The following MRC1 variants were observed in gnomAD, a reference collection of about 807,000 sequenced individuals.
MRC1 encodes the protein macrophage mannose receptor 1.
MRC1 carries 62 observed loss-of-function variants against 102.9 expected under a neutral mutation model. The observed-to-expected ratio is 0.60, with a 90% CI of 0.49 to 0.74. The LOEUF (loss-of-function observed/expected upper bound fraction) is 0.74. Ranked by LOEUF, MRC1 falls within the 30% of genes least tolerant of loss-of-function variation. The probability of loss-of-function intolerance (pLI) is 0.00; values close to 1 mark genes in which losing one functional copy is unlikely to be tolerated. For synonymous variants in MRC1, 457 were observed against 298.4 expected, an observed-to-expected ratio of 1.53 and a Z score of -5.48; for missense variants, 1,237 against 862.8, an observed-to-expected ratio of 1.43 and a Z score of -5.43.
At chr10:17,889,961 A>G (rs1833650883) in intron 22 of MRC1, among the ~76,000 whole-genome samples, 1 of 152,110 alleles carries the variant, frequency 6.6e-6, no homozygotes, top group African/African-American at 2.4e-5. Flanking sequence ...TGACATATAT[A>G]ATTTTCCTTC....
At chr10:17,891,198 A>G (rs1833669053) in intron 22 of MRC1, among the ~76,000 whole-genome samples, 1 of 149,708 alleles carries the variant, frequency 6.7e-6, no homozygotes, top group Non-Finnish European at 1.5e-5. Flanking sequence ...ATGGAGTCTC[A>G]CTCTGTTGCC....
chr10:17,875,500 G>C (rs2130683134), intron 17 of MRC1, among the ~76,000 whole-genome samples: 1 of 152,266 alleles, frequency 6.6e-6, no homozygotes, highest in South Asian at 2.1e-4. Flanking sequence ...CCACTTATGA[G>C]TGAGAACATG....
Position 17,856,106 on chromosome 10 carries a change from G to T in MRC1, c.1408-136G>T, listed in dbSNP as rs1263934260. On this transcript the variant is annotated intron_variant, in intron 8 of 29. Coordinates refer to ENST00000569591, the MANE Select transcript of MRC1 (RefSeq NM_002438.4). ...AATCACTTGAACCTGGGAGGCAGAG[G>T]TTGCCATGAGCCAAGATCGCGCCAC... 4.8e-5 allele frequency: 32 copies of T among 671,706 alleles called. No individual in the cohort carries two copies. In the East Asian group the frequency reaches 8.3e-4, roughly 17 times the overall value. The allele number at this position is 671,706 out of a possible 1,614,324, so 41.6% of individuals were successfully genotyped here.
At chr10:17,872,277 TG>T (rs1833364988) in intron 15 of MRC1, 151 bp downstream of exon 15, 1 of 741,188 alleles carries the variant, frequency 1.3e-6, no homozygotes, top group Non-Finnish European at 2.5e-6. Context: ...AGCATGAAGT[TG>T]ATAAGCACAG....
intron 29 of MRC1, among the ~76,000 whole-genome samples, chr10:17,909,853 T>G (rs1833945797): frequency 6.6e-6 from 1 of 152,114 alleles, no homozygotes; most frequent in Non-Finnish European, 1.5e-5. Context: ...CTTATTTTAT[T>G]TTTCTCTTCA....
chr10:17,830,884 C>CTA lies in MRC1; in HGVS notation c.638-2775_638-2774dup, dbSNP rs1252658364. Among the ~76,000 whole-genome samples, 257 of 147,782 alleles carry CTA rather than the reference C, an allele frequency of 1.7e-3. 10 individuals are homozygous for CTA. The highest frequency in any genetic ancestry group is 5.3e-3 in the African/African-American group (206 of 38,940). ...CCTTTTTTATGTCTCACATTTTCTA[C>CTA]TATATATATATATATATTTTTGGAG... On this transcript the variant is annotated intron_variant, in intron 3 of 29. Transcript: ENST00000569591.
intron 26 of MRC1, among the ~76,000 whole-genome samples, chr10:17,906,254 T>A (rs1833893263): frequency 6.6e-6 from 1 of 152,098 alleles, no homozygotes; most frequent in South Asian, 2.1e-4. Flanking sequence ...CACATTGCTC[T>A]TAATACCAAT....
At chr10:17,826,003 C>T (rs896439830) in intron 2 of MRC1, among the ~76,000 whole-genome samples, 4 of 151,998 alleles carry the variant, frequency 2.6e-5, no homozygotes, top group South Asian at 2.1e-4. Flanking sequence ...TAACAACTAC[C>T]TTTTTGACAA....
At chr10:17,874,490 G>A (rs1833398999) in intron 16 of MRC1, among the ~76,000 whole-genome samples, 2 of 152,068 alleles carry the variant, frequency 1.3e-5, no homozygotes, top group African/African-American at 4.8e-5. Flanking sequence ...ACTTAATCAT[G>A]TCTATAAAGT....
At chr10:17,814,678 T>A (rs886442046) in intron 1 of MRC1, among the ~76,000 whole-genome samples, 2 of 31,934 alleles carry the variant, frequency 6.3e-5, no homozygotes, top group African/African-American at 2.2e-4. Context: ...TCCGTCCCTC[T>A]TTTTTTTTTT....
intron 26 of MRC1, among the ~76,000 whole-genome samples, chr10:17,904,826 T>C (rs1306910814): frequency 1.3e-5 from 2 of 152,214 alleles, no homozygotes; most frequent in Admixed American, 6.5e-5. Context: ...TGCATATCTG[T>C]AGCCTTCTAC....
At chr10:17,893,425 G>C (rs1446424969) in intron 22 of MRC1, among the ~76,000 whole-genome samples, 2 of 152,106 alleles carry the variant, frequency 1.3e-5, no homozygotes, top group African/African-American at 2.4e-5. Context: ...TCAAAGTGCT[G>C]GGATTACAGG....
chr10:17,842,376 G>C (rs1838765261), intron 5 of MRC1, among the ~76,000 whole-genome samples: 2 of 152,224 alleles, frequency 1.3e-5, no homozygotes, highest in African/African-American at 4.8e-5. Context: ...ATATATTTTG[G>C]CTTAAATAAA....
intron 12 of MRC1, among the ~76,000 whole-genome samples, chr10:17,867,893 G>C (rs971585468): frequency 6.6e-6 from 1 of 152,134 alleles, no homozygotes; most frequent in Admixed American, 6.5e-5. Flanking sequence ...ATGTAACCCC[G>C]ATGATTATAA....
intron 21 of MRC1, among the ~76,000 whole-genome samples, chr10:17,883,751 A>G (rs1011210791): frequency 6.6e-6 from 1 of 152,178 alleles, no homozygotes; most frequent in Non-Finnish European, 1.5e-5. Flanking sequence ...TAGAGTAGGT[A>G]CTTGTTGGTC....
rs1833586501 is a variant in MRC1 at position 17,885,861 on chromosome 10, G to A, written c.3147+426G>A. 2.0e-5 allele frequency among the ~76,000 whole-genome samples: 3 copies of A among 147,042 alleles called. No homozygotes were observed. In the South Asian group the frequency reaches 6.4e-4, roughly 31 times the overall value. ...ATCATGATCATGATCATGATCATGA[G>A]CTAATATTTGTAGACTGCTTATTAT... On this transcript the variant is annotated intron_variant, in intron 22 of 29. Transcript: ENST00000569591.
Position 17,866,575 on chromosome 10 carries a change from G to T in MRC1, c.1797G>T (p.Gly599=), listed in dbSNP as rs997268275. ...WNSDMPGRKP[G]CVAMRTGIAG... is the part of the protein sequence containing the mutation. ...TATTTAATGCAGGGCGAAAGCCAGGGTGTGTTGCCATGAGAACCGGGATTG... is the reference window on the plus strand; with the variant it reads ...TATTTAATGCAGGGCGAAAGCCAGGTTGTGTTGCCATGAGAACCGGGATTG... The change falls in exon 12 of 30, where the codon GGG becomes GGT. Residue 599 remains glycine (G), a synonymous_variant. Transcript: ENST00000569591. 26 of 780,862 alleles carry T rather than the reference G, an allele frequency of 3.3e-5. No individual in the cohort carries two copies. Among genetic ancestry groups the T allele is most frequent in the South Asian group, 3.2e-4 (24 of 74,616 alleles). 48.4% of individuals were successfully genotyped at this position (780,862 alleles called of 1,614,324 possible).
intron 2 of MRC1, among the ~76,000 whole-genome samples, chr10:17,826,527 G>A (rs1467146999): frequency 2.2e-5 from 2 of 91,672 alleles, no homozygotes; most frequent in Non-Finnish European, 4.4e-5. Flanking sequence ...TCTGCAAAAT[G>A]TAATGAATTC....
chr10:17,848,242 T>A (rs1838855774), intron 6 of MRC1, among the ~76,000 whole-genome samples: 1 of 152,228 alleles, frequency 6.6e-6, no homozygotes, highest in Non-Finnish European at 1.5e-5. Flanking sequence ...CACTTTCATT[T>A]GGCAATATAG....
Sources: gnomAD v4.1 joint callset for allele counts (sites outside exome capture counted in the v4.1 genomes callset) on GRCh38, gnomAD v4.1.1 for gene constraint, MANE v1.5 for transcripts, NCBI Gene and HGNC (gene_info 2026-07-23, HGNC 2026-07-21) for gene names.